The following CTNNA2 variants were observed in gnomAD, a reference collection of about 807,000 sequenced individuals.
CTNNA2 encodes catenin alpha 2.
In CTNNA2, 42 loss-of-function variants were observed where a neutral mutation model predicts 101.0. That is an observed-to-expected ratio of 0.42 (90% CI 0.32 to 0.54). CTNNA2 has a LOEUF of 0.54. Ranked by LOEUF, CTNNA2 falls within the 20% of genes least tolerant of loss-of-function variation. The probability of loss-of-function intolerance (pLI) is 0.14; values close to 1 mark genes in which losing one functional copy is unlikely to be tolerated. For synonymous variants in CTNNA2, 450 were observed against 456.4 expected (o/e 0.99, Z 0.18); for missense variants, 871 against 1,223.1 (o/e 0.71, Z 4.29).
At chr2:80,122,978 A>C (rs1212766984) in intron 7 of CTNNA2, among the ~76,000 whole-genome samples, 1 of 152,224 alleles carries the variant, frequency 6.6e-6, no homozygotes, top group Non-Finnish European at 1.5e-5. Flanking sequence ...AGCAAAACTC[A>C]TCAGCTTCAA....
intron 7 of CTNNA2, among the ~76,000 whole-genome samples, chr2:80,321,616 T>A (rs1014005690): frequency 1.2e-4 from 18 of 152,352 alleles, no homozygotes; most frequent in African/African-American, 3.6e-4. Context: ...ATCTTTTTTT[T>A]AAAAGCCTAC....
At chr2:80,297,890 A>C (rs1675889736) in intron 7 of CTNNA2, among the ~76,000 whole-genome samples, 2 of 152,258 alleles carry the variant, frequency 1.3e-5, no homozygotes, top group South Asian at 4.1e-4. Context: ...TTCCTGAATA[A>C]AAGTTTGATT....
At chr2:79,477,168 C>CTT (rs5832392) in intron 4 of CTNNA2, among the ~76,000 whole-genome samples, 5 of 123,148 alleles carry the variant, frequency 4.1e-5, no homozygotes, top group African/African-American at 6.6e-5. Flanking sequence ...TCTTTTTTTT[C>CTT]TTTTTTTTTT....
intron 1 of CTNNA2, among the ~76,000 whole-genome samples, chr2:79,645,665 G>C (rs1358534121): frequency 7.2e-5 from 11 of 152,144 alleles, no homozygotes; most frequent in Admixed American, 7.2e-4. Flanking sequence ...TTGGTGTCTT[G>C]AAGTTTAGGA....
chr2:79,371,271 A>G (rs766177950), intron 3 of CTNNA2, among the ~76,000 whole-genome samples: 3 of 151,994 alleles, frequency 2.0e-5, no homozygotes, highest in Non-Finnish European at 4.4e-5. Context: ...CTCAGAAGCC[A>G]TATATCATGA....
intron 7 of CTNNA2, among the ~76,000 whole-genome samples, chr2:80,029,830 A>C (rs1256305536): frequency 6.6e-6 from 1 of 152,108 alleles, no homozygotes; most frequent in Admixed American, 6.6e-5. Flanking sequence ...AAACACACTA[A>C]AGCACACAAC....
chr2:79,940,198 T>C (rs1464398110), intron 7 of CTNNA2, among the ~76,000 whole-genome samples: 3 of 152,222 alleles, frequency 2.0e-5, no homozygotes, highest in Admixed American at 6.5e-5. Context: ...GAATATACTT[T>C]GTATTGTTTT....
chr2:79,802,121 G>A (rs558872762), intron 3 of CTNNA2, among the ~76,000 whole-genome samples: 1 of 152,100 alleles, frequency 6.6e-6, no homozygotes, highest in African/African-American at 2.4e-5. Flanking sequence ...AACTAGTACT[G>A]CATCCTAGGA....
intron 2 of CTNNA2, among the ~76,000 whole-genome samples, chr2:79,258,003 C>G (rs1327572669): frequency 6.6e-6 from 1 of 152,118 alleles, no homozygotes; most frequent in Non-Finnish European, 1.5e-5. Context: ...CTGCCTCTGT[C>G]TTCACATGGC....
At chr2:79,258,255 A>C (rs1674874411) in intron 2 of CTNNA2, among the ~76,000 whole-genome samples, 2 of 152,296 alleles carry the variant, frequency 1.3e-5, no homozygotes, top group African/African-American at 2.4e-5. Flanking sequence ...AGCATGAAGC[A>C]ATTTATAAAA....
chr2:79,573,438 A>G (rs1190063861), intron 1 of CTNNA2, among the ~76,000 whole-genome samples: 2 of 152,232 alleles, frequency 1.3e-5, no homozygotes, highest in Non-Finnish European at 2.9e-5. Flanking sequence ...AGCCTGAAAT[A>G]TACCTAGTCT....
intron 6 of CTNNA2, among the ~76,000 whole-genome samples, chr2:79,901,432 G>T (rs1685063599): frequency 6.6e-6 from 1 of 152,000 alleles, no homozygotes; most frequent in African/African-American, 2.4e-5. Context: ...TTGTCTTACA[G>T]AATTGTCACA....
intron 4 of CTNNA2, among the ~76,000 whole-genome samples, chr2:79,429,997 A>G (rs1475775599): frequency 1.3e-5 from 2 of 152,090 alleles, no homozygotes; most frequent in Non-Finnish European, 1.5e-5. Flanking sequence ...ATTTTTAACA[A>G]TTTTTCTCAA....
At chr2:80,030,856 G>A (rs1412913240) in intron 7 of CTNNA2, among the ~76,000 whole-genome samples, 1 of 151,806 alleles carries the variant, frequency 6.6e-6, no homozygotes, top group East Asian at 1.9e-4. Flanking sequence ...ATCCAGAGAA[G>A]AAATATAAAT....
chr2:79,680,783 C>A lies in CTNNA2; in HGVS notation c.102+29125C>A, dbSNP rs542833947. On this transcript the variant is annotated intron_variant, in intron 2 of 18. Transcript: ENST00000402739. ...CTAAATGTGAAGTATTACTGCTGCT[C>A]CTGCTAGTGCCAGGGAATCATTGTA... Among the ~76,000 whole-genome samples the A allele has an allele frequency of 3.7e-4, 57 of 152,258 alleles. 1 individual carries two copies. The South Asian group carries it at 0.011, about 30-fold the overall frequency.
At chr2:79,913,615 T>C (rs1685966867) in intron 7 of CTNNA2, among the ~76,000 whole-genome samples, 1 of 152,132 alleles carries the variant, frequency 6.6e-6, no homozygotes. Context: ...TCCCGTAATA[T>C]TCATGAGAGG....
intron 18 of CTNNA2, among the ~76,000 whole-genome samples, chr2:80,630,487 AT>A (rs1391241905): frequency 6.6e-6 from 1 of 152,072 alleles, no homozygotes; most frequent in Non-Finnish European, 1.5e-5. Context: ...AAATAAAAAA[AT>A]TAGCTGGGCA....
chr2:80,303,105 A>G lies in CTNNA2; in HGVS notation c.1057-90106A>G, dbSNP rs1223464501. The G allele has an allele frequency of 6.2e-7, 1 of 1,614,102 alleles. No individual in the cohort carries two copies. Among genetic ancestry groups the G allele is most frequent in the East Asian group, 2.2e-5 (1 of 44,862 alleles). On this transcript the variant is annotated intron_variant, in intron 7 of 18. Transcript: ENST00000402739. This position sits in a 1 kb window ranked among gnomAD's most constrained non-coding sequence, Gnocchi z 7.7. ...ATGGCCACCTTGTTCCTCCGCAGGC[A>G]GAGCGAGTGCAGGGAGATGAGGCGC...
intron 11 of CTNNA2, among the ~76,000 whole-genome samples, chr2:80,549,968 G>A (rs1573229295): frequency 1.3e-5 from 2 of 152,054 alleles, no homozygotes; most frequent in Non-Finnish European, 1.5e-5. Context: ...AGTTATTACA[G>A]GGGGTTCAAA....
Sources: allele counts gnomAD v4.1 joint callset (sites outside exome capture counted in the v4.1 genomes callset), GRCh38; gene constraint gnomAD v4.1.1; non-coding constraint Gnocchi (gnomAD v3.1); transcripts MANE v1.5; gene names NCBI Gene and HGNC (gene_info 2026-07-23, HGNC 2026-07-21).